The following RSU1 variants were observed in gnomAD, a reference collection of about 807,000 sequenced individuals.
RSU1 encodes the protein Ras suppressor protein 1, also known as rsu-1.
RSU1 carries 26 observed loss-of-function variants against 31.1 expected under a neutral mutation model. That is an observed-to-expected ratio of 0.84 (90% CI 0.61 to 1.16). The LOEUF is 1.16. Among genes scored for constraint, RSU1 ranks in the 50% most tolerant of loss-of-function variants. The pLI, the probability that RSU1 is intolerant of heterozygous loss-of-function variation, is 0.00. For missense variants in RSU1, 320 were observed against 339.1 expected, an observed-to-expected ratio of 0.94 and a Z score of 0.44; for synonymous variants, 164 against 136.3, an observed-to-expected ratio of 1.20 and a Z score of -1.41.
intron 8 of RSU1, among the ~76,000 whole-genome samples, chr10:16,629,200 T>C (rs7069396): frequency 0.26 from 39,571 of 152,032 alleles, 7,162 homozygotes; most frequent in African/African-American, 0.52. Context: ...GCGGTGGGTC[T>C]GGGGTGGGGC....
At chr10:16,721,443 T>A (rs542485793) in intron 7 of RSU1, 11 of 152,344 alleles carry the variant, frequency 7.2e-5, no homozygotes, top group African/African-American at 2.6e-4. Flanking sequence ...GGTGACAGCA[T>A]GAAAGCCACA....
In RSU1 at chr10:16,620,612, G is replaced by A. The variant is rs542481458; in HGVS notation, c.732-27116C>T. ...TGTAATCCCAGCACTTTGGGAGGCC[G>A]AGGCGGGCGGATCATGAAGTCAGGA... On this transcript the variant is annotated intron_variant, in intron 8 of 8. Coordinates refer to ENST00000345264, the MANE Select transcript of RSU1 (RefSeq NM_012425.4). 2.6e-5 allele frequency among the ~76,000 whole-genome samples: 4 copies of A among 151,508 alleles called. No homozygotes were observed. The South Asian group carries it at 6.2e-4, about 24-fold the overall frequency.
chr10:16,710,983 A>G (rs759434403), intron 7 of RSU1, among the ~76,000 whole-genome samples: 1 of 152,214 alleles, frequency 6.6e-6, no homozygotes, highest in African/African-American at 2.4e-5. Context: ...ATGTTCCTGC[A>G]AAGGACATAA....
At chr10:16,774,282 A>C (rs551902308) in intron 3 of RSU1, among the ~76,000 whole-genome samples, 1 of 152,314 alleles carries the variant, frequency 6.6e-6, no homozygotes, top group South Asian at 2.1e-4. Flanking sequence ...AAAATCATCT[A>C]AAGTTTTATA....
chr10:16,816,756 T>C (rs894612083), intron 2 of RSU1, among the ~76,000 whole-genome samples: 2 of 152,238 alleles, frequency 1.3e-5, no homozygotes, highest in Non-Finnish European at 2.9e-5. Flanking sequence ...CACAGCTGTC[T>C]GTGTGATTCT....
chr10:16,724,759 T>C (rs1023573020), intron 7 of RSU1, among the ~76,000 whole-genome samples: 2 of 152,158 alleles, frequency 1.3e-5, no homozygotes, highest in Non-Finnish European at 2.9e-5. Context: ...GACTCAAAAG[T>C]GACAAGGCTG....
chr10:16,602,868 AG>A (rs1333319507), intron 8 of RSU1, among the ~76,000 whole-genome samples: 1 of 152,216 alleles, frequency 6.6e-6, no homozygotes, highest in Non-Finnish European at 1.5e-5. Context: ...CTGTGGACAA[AG>A]TGTGAAGCCG....
intron 8 of RSU1, among the ~76,000 whole-genome samples, chr10:16,662,162 A>G (rs1457182253): frequency 2.0e-5 from 3 of 152,262 alleles, no homozygotes; most frequent in African/African-American, 7.2e-5. Flanking sequence ...AATTGAGACC[A>G]AAATTCATTC....
intron 3 of RSU1, among the ~76,000 whole-genome samples, chr10:16,773,955 T>G (rs781014170): frequency 1.1e-4 from 17 of 152,042 alleles, no homozygotes; most frequent in Non-Finnish European, 2.1e-4. Flanking sequence ...AGCAAAAAAT[T>G]AGACAAAAGA....
At chr10:16,759,387 G>T (rs1432367976) in intron 4 of RSU1, among the ~76,000 whole-genome samples, 1 of 152,054 alleles carries the variant, frequency 6.6e-6, no homozygotes, top group South Asian at 2.1e-4. Flanking sequence ...CGTACCTGTG[G>T]TCCCAGCTAC....
At chr10:16,709,628 C>G (rs528449434) in intron 7 of RSU1, among the ~76,000 whole-genome samples, 1 of 152,290 alleles carries the variant, frequency 6.6e-6, no homozygotes, top group South Asian at 2.1e-4. Flanking sequence ...TAAAAGTGTT[C>G]CTATTTTTCC....
intron 2 of RSU1, among the ~76,000 whole-genome samples, chr10:16,784,356 A>T (rs1165335502): frequency 6.6e-6 from 1 of 152,136 alleles, no homozygotes; most frequent in African/African-American, 2.4e-5. Context: ...ATTCATCGGT[A>T]TTAGTCCATT....
At chr10:16,653,047 T>C (rs1588696119) in intron 8 of RSU1, among the ~76,000 whole-genome samples, 2 of 151,794 alleles carry the variant, frequency 1.3e-5, no homozygotes, top group Non-Finnish European at 1.5e-5. Flanking sequence ...GCTAAAAAAA[T>C]CTAGGGAAAA....
chr10:16,727,052 T>G (rs1384676612), intron 7 of RSU1: 1 of 455,682 alleles, frequency 2.2e-6, no homozygotes, highest in Non-Finnish European at 4.4e-6. Flanking sequence ...GAGGGAAGAG[T>G]TTCAAGGAAC....
At chr10:16,780,996 T>A (rs922846279) in intron 3 of RSU1, among the ~76,000 whole-genome samples, 2 of 152,184 alleles carry the variant, frequency 1.3e-5, no homozygotes, top group African/African-American at 4.8e-5. Flanking sequence ...CTCTTAATTC[T>A]CAATAATCAA....
Position 16,817,316 on chromosome 10 carries a change from A to G in RSU1, c.-5T>C. On this transcript the variant is annotated splice_region_variant and 5_prime_UTR_variant, in exon 1 of 9. Coordinates refer to ENST00000345264, the MANE Select transcript of RSU1 (RefSeq NM_012425.4). ...AAGTGCAACACCGCACACACTCACCACGGAAGGTAGCCCCTAAGACGATGG... is the reference window on the plus strand; with the variant it reads ...AAGTGCAACACCGCACACACTCACCGCGGAAGGTAGCCCCTAAGACGATGG... The G allele has an allele frequency of 1.9e-6, 1 of 522,426 alleles. No homozygotes were observed. Among genetic ancestry groups the G allele is most frequent in the Non-Finnish European group, 3.4e-6 (1 of 290,256 alleles). The allele number at this position is 522,426 out of a possible 1,614,324, so 32.4% of individuals were successfully genotyped here.
intron 3 of RSU1, among the ~76,000 whole-genome samples, chr10:16,781,817 T>C (rs543503011): frequency 2.6e-5 from 4 of 152,068 alleles, no homozygotes; most frequent in South Asian, 4.1e-4. Flanking sequence ...CAAGACCTTG[T>C]CTCAAAAAAA....
chr10:16,747,682 C>T (rs571284576), intron 7 of RSU1, among the ~76,000 whole-genome samples: 1 of 152,334 alleles, frequency 6.6e-6, no homozygotes, highest in Non-Finnish European at 1.5e-5. Context: ...TCCACTTCCA[C>T]CCTTGCCCTC....
At chr10:16,596,924 C>T (rs116741695) in intron 8 of RSU1, among the ~76,000 whole-genome samples, 2,289 of 152,178 alleles carry the variant, frequency 0.015, 64 homozygotes, top group African/African-American at 0.053. Flanking sequence ...GGTTTCGCCA[C>T]GTTGGACATG....
Sources: gnomAD v4.1 joint callset for allele counts (sites outside exome capture counted in the v4.1 genomes callset) on GRCh38, gnomAD v4.1.1 for gene constraint, MANE v1.5 for transcripts, NCBI Gene and HGNC (gene_info 2026-07-23, HGNC 2026-07-21) for gene names.